SNX6: variants seen among roughly 807,000 people sequenced by gnomAD.
The protein encoded by SNX6 is sorting nexin-6.
Under a neutral mutation model 63.0 loss-of-function variants are expected in SNX6, and 34 were observed. That is an observed-to-expected ratio of 0.54 (90% CI 0.41 to 0.72). The LOEUF is 0.72. Ranked by LOEUF, SNX6 falls within the 30% of genes least tolerant of loss-of-function variation. The pLI, the probability that SNX6 is intolerant of heterozygous loss-of-function variation, is 0.00. For missense variants in SNX6, 398 were observed against 471.4 expected, an observed-to-expected ratio of 0.84 and a Z score of 1.44; for synonymous variants, 170 against 164.2, an observed-to-expected ratio of 1.04 and a Z score of -0.27.
At chr14:34,566,048 C>T (rs920088655) in intron 13 of SNX6, among the ~76,000 whole-genome samples, 67 of 151,626 alleles carry the variant, frequency 4.4e-4, no homozygotes, top group African/African-American at 1.6e-3. Flanking sequence ...GTCTCGAACT[C>T]CTGACCTCAA....
Position 34,619,925 on chromosome 14 carries a change from T to C in SNX6, c.54+9982A>G, listed in dbSNP as rs188032805. The stretch of plus-strand genomic sequence containing the variant: ...TGAGGTCTCACTATGCTGCCCAAGC[T>C]AGACTTGAACTCCTGGGCTCAAGCG... On this transcript the variant is annotated intron_variant, in intron 2 of 13. Coordinates refer to ENST00000362031, the MANE Select transcript of SNX6 (RefSeq NM_152233.4). Among the ~76,000 whole-genome samples, 129 of 152,276 alleles carry C rather than the reference T, an allele frequency of 8.5e-4. 1 individual carries two copies. Among genetic ancestry groups the C allele is most frequent in the Non-Finnish European group, 1.6e-4 (11 of 68,026 alleles).
chr14:34,600,376 T>C (rs930366022), intron 6 of SNX6, among the ~76,000 whole-genome samples: 1 of 152,000 alleles, frequency 6.6e-6, no homozygotes, highest in Non-Finnish European at 1.5e-5. Context: ...ATACCTTGCC[T>C]TGGCCTCCCA....
chr14:34,577,415 T>G (rs1356502748), intron 10 of SNX6, among the ~76,000 whole-genome samples: 2 of 152,128 alleles, frequency 1.3e-5, no homozygotes, highest in Non-Finnish European at 2.9e-5. Context: ...GTAATTGATA[T>G]GTACACACAA....
rs1882978070 is a variant in SNX6 at position 34,605,429 on chromosome 14, T to G, written c.392+167A>C. 3 of 476,864 alleles carry G rather than the reference T, an allele frequency of 6.3e-6. No individual in the cohort carries two copies. In the East Asian group the frequency reaches 1.1e-4, roughly 17 times the overall value. 29.5% of individuals were successfully genotyped at this position (476,864 alleles called of 1,614,324 possible). A position where few individuals can be genotyped will look rare whatever the true frequency, so the allele number is the denominator to read the frequency against. On this transcript the variant is annotated intron_variant, in intron 5 of 13. Coordinates refer to ENST00000362031, the MANE Select transcript of SNX6 (RefSeq NM_152233.4). ...ATTATTCTATAATTTTCCTGTAGGC[T>G]CTGATCATGATCATTAATACTGGTT...
intron 11 of SNX6, among the ~76,000 whole-genome samples, chr14:34,573,585 C>A (rs901756138): frequency 8.6e-5 from 13 of 151,218 alleles, no homozygotes; most frequent in Non-Finnish European, 1.2e-4. Context: ...AAAAAAAAAA[C>A]AAATTGTTTT....
intron 11 of SNX6, among the ~76,000 whole-genome samples, chr14:34,571,503 C>T (rs1485594692): frequency 6.6e-6 from 1 of 152,066 alleles, no homozygotes; most frequent in Non-Finnish European, 1.5e-5. Context: ...ATGCAAGAAG[C>T]CCACCTGAAA....
At chr14:34,620,342 T>C (rs1433053653) in intron 2 of SNX6, among the ~76,000 whole-genome samples, 2 of 152,170 alleles carry the variant, frequency 1.3e-5, no homozygotes, top group African/African-American at 4.8e-5. Context: ...CAGCTGGTCA[T>C]GGTGGCACAC....
chr14:34,621,828 C>T (rs1201542858), intron 2 of SNX6, among the ~76,000 whole-genome samples: 2 of 152,052 alleles, frequency 1.3e-5, no homozygotes, highest in Non-Finnish European at 2.9e-5. Flanking sequence ...CTACCTTTGT[C>T]ATTTCTCATC....
intron 2 of SNX6, among the ~76,000 whole-genome samples, chr14:34,626,835 A>T (rs1033042258): frequency 1.3e-5 from 2 of 152,190 alleles, no homozygotes; most frequent in Non-Finnish European, 2.9e-5. Context: ...CATTATTAAG[A>T]TCCTCCAAGA....
At chr14:34,629,769 T>TG (rs1217484756) in intron 2 of SNX6, 138 bp downstream of exon 2, 2 of 1,334,380 alleles carry the variant, frequency 1.5e-6, no homozygotes, top group Non-Finnish European at 2.1e-6. Flanking sequence ...TGGGGCGCGG[T>TG]GCAGCGAGGA....
intron 2 of SNX6, among the ~76,000 whole-genome samples, chr14:34,619,423 A>G (rs532625639): frequency 6.6e-6 from 1 of 151,784 alleles, no homozygotes; most frequent in Admixed American, 6.6e-5. Context: ...CTCTGTCTCA[A>G]AAAAATATAT....
chr14:34,602,625 T>TA (rs1420738888), intron 6 of SNX6, among the ~76,000 whole-genome samples: 2 of 149,660 alleles, frequency 1.3e-5, no homozygotes, highest in Admixed American at 6.7e-5. Flanking sequence ...ACAAACATTC[T>TA]AAAAAAAGAC....
In SNX6 at chr14:34,629,902, C is replaced by G; in HGVS notation, c.54+5G>C. 6.4e-7 allele frequency: 1 copy of G among 1,557,260 alleles called. No individual in the cohort carries two copies. Among genetic ancestry groups the G allele is most frequent in the Non-Finnish European group, 8.7e-7 (1 of 1,151,226 alleles). On this transcript the variant is annotated splice_donor_5th_base_variant and intron_variant, in intron 2 of 13. Transcript: ENST00000362031. Reference sequence around the variant, plus strand: ...TCCCGCGAGCGAAAGGAAGGCAGAACTTACTCCGCGGTCCTCTTCTGAGAG... The same window carrying G: ...TCCCGCGAGCGAAAGGAAGGCAGAAGTTACTCCGCGGTCCTCTTCTGAGAG...
chr14:34,572,719 C>T (rs1309876806), intron 11 of SNX6, among the ~76,000 whole-genome samples: 1 of 151,386 alleles, frequency 6.6e-6, no homozygotes, highest in African/African-American at 2.4e-5. Flanking sequence ...CTCGCTCTGT[C>T]CCCCAGGCCG....
chr14:34,572,868 G>A (rs1594697241), intron 11 of SNX6, among the ~76,000 whole-genome samples: 1 of 151,888 alleles, frequency 6.6e-6, no homozygotes, highest in Non-Finnish European at 1.5e-5. Flanking sequence ...TTTTTTAGTA[G>A]AGACGGGGTT....
intron 6 of SNX6, among the ~76,000 whole-genome samples, chr14:34,603,138 C>T (rs548645473): frequency 4.0e-5 from 6 of 150,806 alleles, no homozygotes; most frequent in Non-Finnish European, 7.4e-5. Flanking sequence ...ATTAGCTGGG[C>T]GTGGTGGCAG....
intron 6 of SNX6, among the ~76,000 whole-genome samples, chr14:34,603,030 C>T (rs1882883923): frequency 6.7e-6 from 1 of 148,932 alleles, no homozygotes; most frequent in African/African-American, 2.5e-5. Flanking sequence ...GTAATCCTAG[C>T]ACTTTGGGAG....
intron 6 of SNX6, among the ~76,000 whole-genome samples, chr14:34,602,733 T>C (rs1882868365): frequency 6.6e-6 from 1 of 152,072 alleles, no homozygotes; most frequent in Admixed American, 6.6e-5. Flanking sequence ...TCCCAGCACT[T>C]TGGGAGGCTG....
chr14:34,610,912 T>C (rs1038068915), intron 2 of SNX6, among the ~76,000 whole-genome samples: 14 of 152,176 alleles, frequency 9.2e-5, no homozygotes, highest in African/African-American at 3.1e-4. Context: ...TTTAATTATA[T>C]TGTAAATGAA....
Sources: allele counts gnomAD v4.1 joint callset (sites outside exome capture counted in the v4.1 genomes callset), GRCh38; gene constraint gnomAD v4.1.1; transcripts MANE v1.5; gene names NCBI Gene and HGNC (gene_info 2026-07-23, HGNC 2026-07-21).